Variants in DMD observed in about 807,000 individuals in gnomAD.
DMD encodes the protein mutant dystrophin.
Under a neutral mutation model 330.1 loss-of-function variants are expected in DMD, and 63 were observed. That is an observed-to-expected ratio of 0.19 (90% confidence interval 0.16 to 0.24). The LOEUF (loss-of-function observed/expected upper bound fraction) is 0.24. Among genes scored for constraint, DMD ranks in the 10% least tolerant of loss-of-function variants. The probability of loss-of-function intolerance (pLI) is 1.00; values close to 1 mark genes in which losing one functional copy is unlikely to be tolerated. For missense variants in DMD, 3,344 were observed against 2,684.1 expected, an observed-to-expected ratio of 1.25 and a Z score of -5.43; for synonymous variants, 1,223 against 959.8, an observed-to-expected ratio of 1.27 and a Z score of -5.07.
intron 69 of DMD, among the ~76,000 whole-genome samples, chrX:31,179,967 G>A (rs747854971): frequency 6.3e-5 from 7 of 111,591 alleles, no homozygotes; most frequent in African/African-American, 2.3e-4. Context: ...GATAATAGGT[G>A]AGCAACATTG....
intron 38 of DMD, among the ~76,000 whole-genome samples, chrX:32,346,652 T>A (rs1188702602): frequency 9.0e-6 from 1 of 111,724 alleles, no homozygotes; most frequent in East Asian, 2.8e-4. Context: ...AATCATGTGC[T>A]AAGTTACCAT....
chrX:32,592,313 T>C (rs974915581), intron 13 of DMD, among the ~76,000 whole-genome samples: 1 of 110,612 alleles, frequency 9.0e-6, no homozygotes, highest in African/African-American at 3.3e-5. Context: ...CCAATTAGAA[T>C]GTACCTCCTC....
At chrX:33,043,406 T>A in intron 1 of DMD, among the ~76,000 whole-genome samples, 1 of 111,773 alleles carries the variant, frequency 8.9e-6, no homozygotes, top group East Asian at 2.8e-4. Context: ...CATGAACCAA[T>A]CTTTTTAGAA....
At chrX:32,121,988 C>T (rs1032991438) in intron 44 of DMD, among the ~76,000 whole-genome samples, 3 of 110,488 alleles carry the variant, frequency 2.7e-5, no homozygotes, top group Non-Finnish European at 5.7e-5. Context: ...GAACTAGGGA[C>T]AAAGTCCTAG....
intron 2 of DMD, among the ~76,000 whole-genome samples, chrX:32,951,896 A>G (rs2091268610): frequency 9.0e-6 from 1 of 111,643 alleles, no homozygotes; most frequent in Admixed American, 9.6e-5. Flanking sequence ...AAATAAAGAT[A>G]CTAAGCCCTC....
Position 32,694,111 on chromosome X carries a change from G to A in DMD, c.960+3759C>T, listed in dbSNP as rs140152908. 2.4e-3 allele frequency among the ~76,000 whole-genome samples: 263 copies of A among 111,429 alleles called. 2 individuals carry two copies. The highest frequency in any genetic ancestry group is 8.0e-3 in the African/African-American group (246 of 30,655). ...CCTTTCTCTGAAAACACTTTCTTCT[G>A]GATTCCAGAATGCCACATCTATCTT... is the stretch of plus-strand genomic sequence containing the variant. On this transcript the variant is annotated intron_variant, in intron 9 of 78. Transcript: ENST00000357033.
At chrX:31,122,166 G>A (rs970105337) in intron 78 of DMD, among the ~76,000 whole-genome samples, 1 of 111,649 alleles carries the variant, frequency 9.0e-6, no homozygotes, top group African/African-American at 3.3e-5. Flanking sequence ...TGTTGGATCA[G>A]GCTACTGGTG....
At chrX:31,222,519 A>G (rs1346563325) in intron 64 of DMD, among the ~76,000 whole-genome samples, 1 of 111,007 alleles carries the variant, frequency 9.0e-6, no homozygotes, top group East Asian at 2.8e-4. Flanking sequence ...ATTTGATGAC[A>G]TGATAGAGCT....
intron 67 of DMD, 101 bp from the exon 68 acceptor site, chrX:31,183,005 A>C: frequency 1.4e-6 from 1 of 707,363 alleles, no homozygotes; most frequent in Non-Finnish European, 2.1e-6. Context: ...TAAGTTAAAC[A>C]GAAAAGATAG....
intron 7 of DMD, among the ~76,000 whole-genome samples, chrX:32,784,055 AATTAAATC>A (rs1335263134): frequency 2.7e-5 from 3 of 110,313 alleles, no homozygotes; most frequent in Non-Finnish European, 5.7e-5. Flanking sequence ...TTAGAGGACA[AATTAAATC>A]ATTTTTAAAT....
At chrX:32,205,005 T>A (rs199849345) in intron 44 of DMD, among the ~76,000 whole-genome samples, 1,029 of 29,125 alleles carry the variant, frequency 0.035, 23 homozygotes, top group East Asian at 0.17. Flanking sequence ...TCTCTCTCTC[T>A]CACATACACA....
chrX:31,781,465 C>A (rs976138650), intron 50 of DMD, among the ~76,000 whole-genome samples: 1 of 111,955 alleles, frequency 8.9e-6, no homozygotes, highest in Non-Finnish European at 1.9e-5. Flanking sequence ...TTTGATATAG[C>A]TATAAAAATA....
chrX:31,630,503 G>A (rs2079079347), intron 54 of DMD, among the ~76,000 whole-genome samples: 1 of 111,008 alleles, frequency 9.0e-6, no homozygotes, highest in Non-Finnish European at 1.9e-5. Context: ...CTATGTGTGT[G>A]TACGTTGAAT....
At chrX:32,760,683 G>C in intron 7 of DMD, among the ~76,000 whole-genome samples, 1 of 111,833 alleles carries the variant, frequency 8.9e-6, no homozygotes. Flanking sequence ...ACATATTCAG[G>C]TTTACTTGCA....
At chrX:32,411,034 C>A (rs1422646050) in intron 30 of DMD, among the ~76,000 whole-genome samples, 1 of 112,142 alleles carries the variant, frequency 8.9e-6, no homozygotes, top group Non-Finnish European at 1.9e-5. Context: ...CTGCTTGTAA[C>A]TAACACATTT....
rs761864654 is a variant in DMD, at chrX:32,420,084, T to C, written c.4072-8171A>G. Among the ~76,000 whole-genome samples, 3 of 111,911 alleles carry C rather than the reference T, an allele frequency of 2.7e-5. No individual in the cohort carries two copies. In the Admixed American group the frequency reaches 2.9e-4, roughly 11 times the overall value. ...ACATAAAATAAGTCTACAGGATTCA[T>C]CATATCCAAGCTTTCTCAAGGTACC... On this transcript the variant is annotated intron_variant, in intron 29 of 78. Coordinates refer to ENST00000357033, the MANE Select transcript of DMD (RefSeq NM_004006.3).
chrX:32,817,065 T>G (rs2148810756), intron 5 of DMD, among the ~76,000 whole-genome samples: 1 of 112,024 alleles, frequency 8.9e-6, no homozygotes, highest in African/African-American at 3.2e-5. Context: ...ATGTTCAAAT[T>G]TTGCCTTTGC....
At chrX:32,467,649 T>C (rs73619096) in intron 23 of DMD, among the ~76,000 whole-genome samples, 6,862 of 95,915 alleles carry the variant, frequency 0.072, 570 homozygotes, top group African/African-American at 0.22. Flanking sequence ...TATATATATA[T>C]ACACACATAT....
intron 48 of DMD, among the ~76,000 whole-genome samples, chrX:31,851,265 G>A (rs1327045680): frequency 9.2e-6 from 1 of 109,246 alleles, no homozygotes; most frequent in Non-Finnish European, 1.9e-5. Flanking sequence ...ACTAATCAAG[G>A]GCAGCTCACC....
Sources: gnomAD v4.1 joint callset for allele counts (sites outside exome capture counted in the v4.1 genomes callset) on GRCh38, gnomAD v4.1.1 for gene constraint, MANE v1.5 for transcripts, NCBI Gene and HGNC (gene_info 2026-07-23, HGNC 2026-07-21) for gene names.